FAM13A: variants seen among roughly 807,000 people sequenced by gnomAD.
FAM13A encodes family with sequence similarity 13 member A, also known as protein FAM13A.
FAM13A carries 76 observed loss-of-function variants against 129.6 expected under a neutral mutation model. The observed-to-expected ratio is 0.59, with a 90% CI of 0.49 to 0.71. The LOEUF (loss-of-function observed/expected upper bound fraction) is 0.71. Ranked by LOEUF, FAM13A falls within the 30% of genes least tolerant of loss-of-function variation. The probability of loss-of-function intolerance (pLI) is 0.00; values close to 1 mark genes in which losing one functional copy is unlikely to be tolerated. For synonymous variants in FAM13A, 443 were observed against 449.9 expected, an observed-to-expected ratio of 0.98 and a Z score of 0.20; for missense variants, 1,108 against 1,249.3, an observed-to-expected ratio of 0.89 and a Z score of 1.70.
At chr4:88,750,746 T>C (rs574338981) in intron 14 of FAM13A, 109 bp from the exon 15 acceptor site, 13 of 763,838 alleles carry the variant, frequency 1.7e-5, no homozygotes, top group Non-Finnish European at 2.8e-5. Flanking sequence ...AAGCTGCCCA[T>C]TGAATCGTTT....
intron 6 of FAM13A, among the ~76,000 whole-genome samples, chr4:88,871,206 A>C (rs1741328542): frequency 6.6e-6 from 1 of 152,238 alleles, no homozygotes; most frequent in Admixed American, 6.5e-5. Flanking sequence ...AGAGCAGAAA[A>C]GCTGGACATT....
intron 6 of FAM13A, among the ~76,000 whole-genome samples, chr4:88,870,007 A>G (rs1741080132): frequency 6.6e-6 from 1 of 152,206 alleles, no homozygotes; most frequent in Non-Finnish European, 1.5e-5. Context: ...GATTAATTCT[A>G]AACTGAGACT....
At chr4:88,893,540 G>A (rs1335146624) in intron 6 of FAM13A, among the ~76,000 whole-genome samples, 1 of 151,988 alleles carries the variant, frequency 6.6e-6, no homozygotes, top group Non-Finnish European at 1.5e-5. Context: ...GGAGAATGGC[G>A]TGAACCCAGG....
At chr4:88,824,745 T>C (rs1732674630) in intron 7 of FAM13A, among the ~76,000 whole-genome samples, 1 of 152,198 alleles carries the variant, frequency 6.6e-6, no homozygotes. Context: ...TCTTGCTCTG[T>C]CACCCAGGCT....
chr4:88,788,974 T>C (rs992597556), intron 9 of FAM13A, among the ~76,000 whole-genome samples: 2 of 152,184 alleles, frequency 1.3e-5, no homozygotes, highest in Non-Finnish European at 2.9e-5. Context: ...TTAGAACTTT[T>C]ATAGATAGAA....
At chr4:88,772,808 C>T (rs1720946073) in intron 11 of FAM13A, among the ~76,000 whole-genome samples, 1 of 152,140 alleles carries the variant, frequency 6.6e-6, no homozygotes, top group Admixed American at 6.5e-5. Flanking sequence ...ACTATACTTA[C>T]TGAAAGTAAA....
intron 4 of FAM13A, among the ~76,000 whole-genome samples, chr4:88,973,414 C>T (rs1467045786): frequency 5.9e-5 from 9 of 152,124 alleles, no homozygotes; most frequent in Admixed American, 2.0e-4. Context: ...GAAATTCTTT[C>T]CTCAGCCATG....
At chr4:88,849,263 T>C (rs1737161240) in intron 7 of FAM13A, among the ~76,000 whole-genome samples, 1 of 152,176 alleles carries the variant, frequency 6.6e-6, no homozygotes, top group Admixed American at 6.5e-5. Flanking sequence ...TTAACACCTG[T>C]TGAAGGAACC....
intron 16 of FAM13A, among the ~76,000 whole-genome samples, chr4:88,749,423 C>T (rs1742072592): frequency 6.6e-6 from 1 of 151,810 alleles, no homozygotes; most frequent in South Asian, 2.1e-4. Context: ...GAGCTGACAG[C>T]AGAACGAGCT....
intron 1 of FAM13A, among the ~76,000 whole-genome samples, chr4:89,056,265 G>A (rs1019781748): frequency 1.3e-5 from 2 of 151,930 alleles, no homozygotes; most frequent in Admixed American, 6.6e-5. Flanking sequence ...TATTACAAAA[G>A]GTTTTGTACA....
intron 9 of FAM13A, 43 bp downstream of exon 9, chr4:88,790,543 A>G (rs1724920319): frequency 6.4e-7 from 1 of 1,568,456 alleles, no homozygotes; most frequent in Admixed American, 1.9e-5. Context: ...GGGCATTAAA[A>G]AAAAAAAACC....
chr4:88,786,663 T>C (rs1341728771), intron 10 of FAM13A, among the ~76,000 whole-genome samples: 1 of 152,176 alleles, frequency 6.6e-6, no homozygotes, highest in Non-Finnish European at 1.5e-5. Context: ...GGTTATATTA[T>C]TGATACTGCT....
intron 4 of FAM13A, among the ~76,000 whole-genome samples, chr4:88,981,003 A>G (rs1248648389): frequency 6.6e-6 from 1 of 152,254 alleles, no homozygotes; most frequent in Non-Finnish European, 1.5e-5. Flanking sequence ...TCTTGGATAG[A>G]AGAATAAGTG....
intron 5 of FAM13A, among the ~76,000 whole-genome samples, chr4:88,918,264 C>T (rs1042230602): frequency 6.6e-6 from 1 of 152,206 alleles, no homozygotes; most frequent in Non-Finnish European, 1.5e-5. Flanking sequence ...TAATAAACAA[C>T]ACTGGCTATC....
intron 3 of FAM13A, among the ~76,000 whole-genome samples, chr4:88,992,037 T>C (rs1762980513): frequency 6.6e-6 from 1 of 152,224 alleles, no homozygotes; most frequent in Non-Finnish European, 1.5e-5. Context: ...TAATCTGTCC[T>C]GACCCTTGAG....
At chr4:88,759,648 G>A (rs1433552112) in intron 13 of FAM13A, among the ~76,000 whole-genome samples, 1 of 152,002 alleles carries the variant, frequency 6.6e-6, no homozygotes, top group East Asian at 1.9e-4. Flanking sequence ...AGTCAGTGAT[G>A]CATAATTCAT....
intron 19 of FAM13A, among the ~76,000 whole-genome samples, chr4:88,741,596 A>G (rs1740272119): frequency 6.6e-6 from 1 of 152,176 alleles, no homozygotes; most frequent in Admixed American, 6.5e-5. Context: ...AAATTTCATC[A>G]AGACATATGT....
chr4:89,010,355 A>C (rs959437220), intron 3 of FAM13A, among the ~76,000 whole-genome samples: 1 of 152,210 alleles, frequency 6.6e-6, no homozygotes, highest in African/African-American at 2.4e-5. Flanking sequence ...TCATCATTTA[A>C]GGTTGACACT....
At position 88,727,331 on chromosome 4, in the gene FAM13A, G is replaced by A. The variant is rs1209776597; in HGVS notation, c.*1202C>T. 1 of 152,612 alleles carries A rather than the reference G, an allele frequency of 6.6e-6. No individual in the cohort carries two copies. The highest frequency in any genetic ancestry group is 1.5e-5 in the Non-Finnish European group (1 of 68,048). 9.5% of individuals were successfully genotyped at this position (152,612 alleles called of 1,614,324 possible). ...GCACACTGAAGAGATGGAGGATTTG[G>A]TGTCTTACATTTCCTGGTCCCTCCA... is the stretch of plus-strand genomic sequence containing the variant. On this transcript the variant is annotated 3_prime_UTR_variant, in exon 24 of 24. Coordinates refer to ENST00000264344, the MANE Select transcript of FAM13A (RefSeq NM_014883.4).
Sources: allele counts gnomAD v4.1 joint callset (sites outside exome capture counted in the v4.1 genomes callset), GRCh38; gene constraint gnomAD v4.1.1; transcripts MANE v1.5; gene names NCBI Gene and HGNC (gene_info 2026-07-23, HGNC 2026-07-21).